KAZN: variants seen among roughly 807,000 people sequenced by gnomAD.
KAZN encodes kazrin, periplakin interacting protein.
In KAZN, 40 loss-of-function variants were observed where a neutral mutation model predicts 87.4. That is an observed-to-expected ratio of 0.46 (90% CI 0.36 to 0.60). The LOEUF (loss-of-function observed/expected upper bound fraction) is 0.60. KAZN is among the 20% of genes least tolerant of loss of function. The probability of loss-of-function intolerance (pLI) is 0.00; values close to 1 mark genes in which losing one functional copy is unlikely to be tolerated. For missense variants in KAZN, 898 were observed against 1,073.9 expected (o/e 0.84, Z 2.29); for synonymous variants, 466 against 458.3 (o/e 1.02, Z -0.22).
chr1:14,636,360 C>T (rs908811709), intron 1 of KAZN, among the ~76,000 whole-genome samples: 2 of 152,168 alleles, frequency 1.3e-5, no homozygotes, highest in East Asian at 3.9e-4. Context: ...GATTCTGTGA[C>T]CTCTAGATGG....
chr1:13,923,591 A>AGAAAAG (rs1640155925), intron 1 of KAZN, among the ~76,000 whole-genome samples: 1 of 151,034 alleles, frequency 6.6e-6, no homozygotes, highest in African/African-American at 2.4e-5. Context: ...AAAAAAAAAA[A>AGAAAAG]ATATAATTAC....
intron 2 of KAZN, among the ~76,000 whole-genome samples, chr1:14,962,108 C>T (rs1192863905): frequency 1.3e-5 from 2 of 152,236 alleles, no homozygotes; most frequent in Admixed American, 6.5e-5. Context: ...GACAGTTAAT[C>T]GGCTCAGTGA....
At chr1:14,878,310 G>C (rs746706034) in intron 1 of KAZN, among the ~76,000 whole-genome samples, 14 of 151,950 alleles carry the variant, frequency 9.2e-5, no homozygotes, top group African/African-American at 3.4e-4. Flanking sequence ...AGTTCTTTGG[G>C]GGGGTGGCTG....
intron 2 of KAZN, among the ~76,000 whole-genome samples, chr1:14,258,520 C>A (rs1346420759): frequency 6.6e-6 from 1 of 151,816 alleles, no homozygotes; most frequent in Non-Finnish European, 1.5e-5. Flanking sequence ...CAGGCGTGAG[C>A]CACTGCGCCT....
chr1:14,409,099 T>C (rs925239052), intron 2 of KAZN, among the ~76,000 whole-genome samples: 4 of 152,208 alleles, frequency 2.6e-5, no homozygotes, highest in Non-Finnish European at 5.9e-5. Flanking sequence ...CTAGCATGGC[T>C]ACTGAGTGGT....
chr1:14,223,266 G>T (rs1406455402), intron 2 of KAZN: 2 of 152,190 alleles, frequency 1.3e-5, no homozygotes, highest in African/African-American at 4.8e-5. Context: ...AGCCTGAAAT[G>T]GTTGTTAGCA....
chr1:13,957,029 G>A (rs1262800011), intron 1 of KAZN, among the ~76,000 whole-genome samples: 1 of 152,158 alleles, frequency 6.6e-6, no homozygotes. Flanking sequence ...TTTATGAGAT[G>A]ATCTTGCATT....
At chr1:14,099,741 T>C (rs113285768) in intron 1 of KAZN, among the ~76,000 whole-genome samples, 14,058 of 152,146 alleles carry the variant, frequency 0.092, 2,055 homozygotes, top group African/African-American at 0.31. Context: ...CTCCCCTGCC[T>C]TTTAAAAGTG....
intron 1 of KAZN, among the ~76,000 whole-genome samples, chr1:14,140,646 T>A (rs182452839): frequency 2.1e-3 from 319 of 152,212 alleles, no homozygotes; most frequent in African/African-American, 7.2e-3. Context: ...CCATAGCAAG[T>A]TTTAGACCTG....
At chr1:14,378,413 T>A (rs1033492280) in intron 2 of KAZN, among the ~76,000 whole-genome samples, 2 of 152,224 alleles carry the variant, frequency 1.3e-5, no homozygotes, top group African/African-American at 4.8e-5. Context: ...ACAACCTTCA[T>A]GAGAACCAAA....
chr1:14,655,427 T>C (rs564424812), intron 1 of KAZN, among the ~76,000 whole-genome samples: 27 of 152,360 alleles, frequency 1.8e-4, no homozygotes, highest in African/African-American at 6.5e-4. Context: ...TAATTATCTT[T>C]CTTGTCCCTT....
At chr1:13,964,010 T>G (rs1641853430) in intron 1 of KAZN, among the ~76,000 whole-genome samples, 1 of 152,234 alleles carries the variant, frequency 6.6e-6, no homozygotes, top group South Asian at 2.1e-4. Context: ...ATAGGCTGAT[T>G]GATCACAGAG....
intron 1 of KAZN, among the ~76,000 whole-genome samples, chr1:14,012,476 G>A (rs1325400439): frequency 1.3e-5 from 2 of 152,194 alleles, no homozygotes; most frequent in Admixed American, 6.6e-5. Flanking sequence ...ATTGGCTGGG[G>A]TCACTAGTCT....
chr1:14,061,078 G>C (rs1045538946), intron 1 of KAZN, among the ~76,000 whole-genome samples: 2 of 152,224 alleles, frequency 1.3e-5, no homozygotes, highest in African/African-American at 4.8e-5. Flanking sequence ...ATGGGTCCGA[G>C]AAGGGGAGGA....
chr1:14,198,542 G>A (rs1386416749), intron 2 of KAZN, among the ~76,000 whole-genome samples: 1 of 152,196 alleles, frequency 6.6e-6, no homozygotes. Flanking sequence ...GGAGATTGCG[G>A]TGAGCTGAGA....
At chr1:14,565,912 A>G (rs1410149681) in intron 2 of KAZN, among the ~76,000 whole-genome samples, 3 of 152,146 alleles carry the variant, frequency 2.0e-5, no homozygotes, top group Non-Finnish European at 2.9e-5. Context: ...TTCCACTGAC[A>G]TCTTAAATTC....
chr1:15,006,034 A>T (rs1668966556), intron 2 of KAZN, among the ~76,000 whole-genome samples: 1 of 152,166 alleles, frequency 6.6e-6, no homozygotes, highest in South Asian at 2.1e-4. Context: ...CTGAGCCTTG[A>T]ACCCTGGGAC....
chr1:15,063,272 G>T, intron 6 of KAZN: 1 of 434,832 alleles, frequency 2.3e-6, no homozygotes, highest in Non-Finnish European at 4.2e-6. Flanking sequence ...AGGACAGACT[G>T]GGACAGGAAC....
chr1:14,419,938 CTTCCACAAGGTGGAAG>C (rs1665263717), intron 2 of KAZN, among the ~76,000 whole-genome samples: 1 of 152,164 alleles, frequency 6.6e-6, no homozygotes, highest in Admixed American at 6.5e-5. Flanking sequence ...AAGAACAAAA[CTTCCACAAGGTGGAAG>C]GGAACATTAG....
Sources: gnomAD v4.1 joint callset for allele counts (sites outside exome capture counted in the v4.1 genomes callset) on GRCh38, gnomAD v4.1.1 for gene constraint, MANE v1.5 for transcripts, NCBI Gene and HGNC (gene_info 2026-07-23, HGNC 2026-07-21) for gene names.